The following TTN variants were observed in gnomAD, a reference collection of about 807,000 sequenced individuals.
TTN encodes titin.
TTN carries 1,525 observed loss-of-function variants against 3,223.0 expected under a neutral mutation model. The ratio of observed to expected loss-of-function variants is 0.47; its 90% CI spans 0.45 to 0.49. The LOEUF (loss-of-function observed/expected upper bound fraction) is 0.49. Among genes scored for constraint, TTN ranks in the 20% least tolerant of loss-of-function variants. The pLI, the probability that TTN is intolerant of heterozygous loss-of-function variation, is 0.00. For synonymous variants in TTN, 14,094 were observed against 15,161.0 expected, an observed-to-expected ratio of 0.93 and a Z score of 5.17; for missense variants, 40,786 against 43,424.0, an observed-to-expected ratio of 0.94 and a Z score of 5.40.
intron 294 of TTN, among the ~76,000 whole-genome samples, 163 bp downstream of exon 294, chr2:178,597,375 A>C (rs958831293): frequency 6.6e-6 from 1 of 152,140 alleles, no homozygotes; most frequent in Non-Finnish European, 1.5e-5. Context: ...AGAATAAAAA[A>C]GTAAGGAGGA....
At chr2:178,668,644 A>C (rs1016638185) in intron 159 of TTN, among the ~76,000 whole-genome samples, 2 of 151,830 alleles carry the variant, frequency 1.3e-5, no homozygotes, top group Non-Finnish European at 2.9e-5. Context: ...GGGCAGGAGA[A>C]TAGCTTGAAC....
At chr2:178,698,783 A>G in intron 112 of TTN, 60 bp downstream of exon 112, 2 of 1,471,230 alleles carry the variant, frequency 1.4e-6, no homozygotes, top group South Asian at 1.3e-5. Flanking sequence ...CACTGTTTAG[A>G]ATTTAAAAGT....
rs773001228 is a variant in TTN, at chr2:178,560,047, G to A, written c.86085C>T (p.Asp28695=). ...GYTVEYKKSD[D]TDWKTSIQSL... Reference sequence around the variant, plus strand: ...TCTGAATGGAAGTTTTCCAGTCAGTGTCATCAGATTTTTTGTATTCTACAG... The same window carrying A: ...TCTGAATGGAAGTTTTCCAGTCAGTATCATCAGATTTTTTGTATTCTACAG... Residue 28695 remains aspartate, a synonymous_variant, in exon 326 of 363, where the codon GAC becomes GAT. Coordinates refer to ENST00000589042, the MANE Select transcript of TTN (RefSeq NM_001267550.2). 3.7e-6 allele frequency: 6 copies of A among 1,613,568 alleles called. No individual in the cohort carries two copies. Among genetic ancestry groups the A allele is most frequent in the Non-Finnish European group, 5.1e-6 (6 of 1,179,794 alleles).
chr2:178,532,433 A>T lies in TTN; in HGVS notation c.104182T>A (p.Tyr34728Asn). ...KVEETRKDFR[Y>N]STYHIPTKAE... ...TTCGTTGGGATGTGATAGGTTGAATACCTGAAGTCTTTTCTTGTTTCCTCC... is the reference window on the plus strand; with the variant it reads ...TTCGTTGGGATGTGATAGGTTGAATTCCTGAAGTCTTTTCTTGTTTCCTCC... Residue 34728 changes from tyrosine (Y) to asparagine (N), a missense_variant, in exon 358 of 363, where the codon TAT becomes AAT. Tyr to Asn is a moderately radical substitution (Grantham distance 143). Transcript: ENST00000589042. 1 of 1,613,976 alleles carries T rather than the reference A, an allele frequency of 6.2e-7. No homozygotes were observed.
Position 178,707,800 on chromosome 2 carries a change from T to C in TTN, c.28767A>G (p.Pro9589=), listed in dbSNP as rs766249013. Residue 9589 remains proline (P), a synonymous_variant, in exon 100 of 363, where the codon CCA becomes CCG. Transcript: ENST00000589042. ...GAGTAAGGTGCTGATCAAATACAGG[T>C]GGCTTCTTAGGTTCTGGAATTGAAA... ...SSIVIKEPKK[P]PVFDQHLTPV... is the part of the protein sequence containing the mutation. 3 of 1,593,334 alleles carry C rather than the reference T, an allele frequency of 1.9e-6. No individual in the cohort carries two copies. The highest frequency in any genetic ancestry group is 2.3e-5 in the South Asian group (2 of 88,684).
At chr2:178,749,352 T>C (rs779606984) in intron 47 of TTN, 1 of 1,613,084 alleles carries the variant, frequency 6.2e-7, no homozygotes. Flanking sequence ...TCAGCCCTGA[T>C]GGGCTTGCTG....
Position 178,530,835 on chromosome 2 carries a change from G to A in TTN, c.105780C>T (p.His35260=), listed in dbSNP as rs373486593. Residue 35260 remains histidine (H), a synonymous_variant, in exon 358 of 363, where the codon CAC becomes CAT. Coordinates refer to ENST00000589042, the MANE Select transcript of TTN (RefSeq NM_001267550.2). The part of the protein sequence containing the change: ...PKRVKSPEPS[H]PKAVSPTETK... ...TCTCTGTGGGTGATACGGCTTTCGG[G>A]TGAGAAGGTTCTGGAGATTTCACTC... The A allele has an allele frequency of 1.2e-6, 2 of 1,613,740 alleles. No homozygotes were observed. Among genetic ancestry groups the A allele is most frequent in the African/African-American group, 2.7e-5 (2 of 74,854 alleles).
rs2078521091 is a variant in TTN at position 178,722,263 on chromosome 2, T to G, written c.22524A>C (p.Ala7508=). 6.3e-7 allele frequency: 1 copy of G among 1,575,420 alleles called. No individual in the cohort carries two copies. Among genetic ancestry groups the G allele is most frequent in the African/African-American group, 1.4e-5 (1 of 73,572 alleles). The change falls in exon 77 of 363, where the codon GCA becomes GCC. Residue 7508 remains alanine (A), a synonymous_variant. Transcript: ENST00000589042. ...GTASSSARLT[A]REPKKSPFFD... The stretch of plus-strand genomic sequence containing the variant: ...AAGAGTGACGTGTGAACAAACCTCT[T>G]GCTGTGAGTCTAGCACTAGAAGATG...
At chr2:178,708,170 C>G (rs76465131) in intron 99 of TTN, among the ~76,000 whole-genome samples, 11,282 of 152,156 alleles carry the variant, frequency 0.074, 520 homozygotes, top group Non-Finnish European at 0.11. Flanking sequence ...TTTTGCTGAA[C>G]CCTGAAAATG....
Position 178,718,723 on chromosome 2 carries a change from A to T in TTN, c.24477T>A (p.Ala8159=). 6.2e-7 allele frequency: 1 copy of T among 1,613,754 alleles called. No individual in the cohort carries two copies. Reference sequence around the variant, plus strand: ...TCACAAAAAGATGTGTGGTACAGGAAGCACTGCCAGCATCATTTGTAACGA... The same window carrying T: ...TCACAAAAAGATGTGTGGTACAGGATGCACTGCCAGCATCATTTGTAACGA... ...SCLVTNDAGS[A]SCTTHLFVKE... Residue 8159 remains alanine (A), a synonymous_variant, in exon 84 of 363, where the codon GCT becomes GCA. Coordinates refer to ENST00000589042, the MANE Select transcript of TTN (RefSeq NM_001267550.2).
In TTN at chr2:178,611,426, C is replaced by T; in HGVS notation, c.50803G>A (p.Gly16935Ser). Residue 16935 changes from glycine (G) to serine (S), a missense_variant, in exon 269 of 363, where the codon GGT (glycine) becomes AGT (serine). Transcript: ENST00000589042. ...GAGATTTCAGATGGCTCGCTGACACCAATAGCATTGACTGCTCTCACTCTC... is the reference window on the plus strand; with the variant it reads ...GAGATTTCAGATGGCTCGCTGACACTAATAGCATTGACTGCTCTCACTCTC... ...VLRVRAVNAI[G>S]VSEPSEISEN... 6.2e-7 allele frequency: 1 copy of T among 1,612,856 alleles called. No homozygotes were observed. Among genetic ancestry groups the T allele is most frequent in the Non-Finnish European group, 8.5e-7 (1 of 1,179,284 alleles).
intron 210 of TTN, 120 bp from the exon 211 acceptor site, chr2:178,650,014 A>C (rs919887484): frequency 1.5e-6 from 2 of 1,328,156 alleles, no homozygotes; most frequent in Non-Finnish European, 2.1e-6. Context: ...CTGTGGGTCC[A>C]AAGTTTTATG....
Position 178,633,180 on chromosome 2 carries a change from G to C in TTN, c.43086+7C>G, listed in dbSNP as rs1378945842. Reference sequence around the variant, plus strand: ...CTCTCCTATATAATTAGCTAATCTTGACTTACAGGGGAAGCTGTCAAAGGC... The same window carrying C: ...CTCTCCTATATAATTAGCTAATCTTCACTTACAGGGGAAGCTGTCAAAGGC... On this transcript the variant is annotated splice_region_variant and intron_variant, in intron 233 of 362. Transcript: ENST00000589042. 3 of 1,609,296 alleles carry C rather than the reference G, an allele frequency of 1.9e-6. No homozygotes were observed. Among genetic ancestry groups the C allele is most frequent in the Non-Finnish European group, 2.5e-6 (3 of 1,177,130 alleles).
intron 12 of TTN, 144 bp from the exon 13 acceptor site, chr2:178,789,641 T>G: frequency 8.8e-7 from 1 of 1,137,180 alleles, no homozygotes. Context: ...CGGCAATGTC[T>G]ACATATACTG....
intron 28 of TTN, 50 bp downstream of exon 28, chr2:178,775,306 T>A: frequency 1.2e-6 from 2 of 1,612,558 alleles, no homozygotes; most frequent in Non-Finnish European, 1.7e-6. Flanking sequence ...CACTCATGGA[T>A]ATTCTTGAAT....
rs1453904872 is a variant in TTN at position 178,590,307 on chromosome 2, G to A, written c.61418C>T (p.Pro20473Leu). ...ESVIAKDILHPPEVELDVTCR... is the reference protein window; with the variant it reads ...ESVIAKDILHLPEVELDVTCR... ...AGTAACATCAAGTTCTACTTCTGGA[G>A]GATGAAGGATATCTTTTGCAATCAC... Residue 20473 changes from proline (P) to leucine (L), a missense_variant, in exon 304 of 363, where the codon CCT becomes CTT. Pro to Leu is a moderately conservative substitution (Grantham distance 98, BLOSUM62 -3). Transcript: ENST00000589042. 3 of 1,570,446 alleles carry A rather than the reference G, an allele frequency of 1.9e-6. No homozygotes were observed. The highest frequency in any genetic ancestry group is 2.6e-6 in the Non-Finnish European group (3 of 1,158,938).
In TTN at chr2:178,581,481, C is replaced by T. The variant is rs766846339; in HGVS notation, c.66769+18G>A. 3 of 1,565,264 alleles carry T rather than the reference C, an allele frequency of 1.9e-6. No homozygotes were observed. The highest frequency in any genetic ancestry group is 1.4e-5 in the African/African-American group (1 of 73,998). ...ATTAATAGGAAAAGCCTTATGTACT[C>T]CCCCTGGTAATACTTACTTAAGATG... On this transcript the variant is annotated intron_variant, in intron 316 of 362. Coordinates refer to ENST00000589042, the MANE Select transcript of TTN (RefSeq NM_001267550.2).
chr2:178,586,617 G>A lies in TTN; in HGVS notation c.64284C>T (p.Val21428=). 2.5e-6 allele frequency: 4 copies of A among 1,613,170 alleles called. No homozygotes were observed. Among genetic ancestry groups the A allele is most frequent in the Non-Finnish European group, 3.4e-6 (4 of 1,179,414 alleles). Reference sequence around the variant, plus strand: ...ATTTCTTTCCTTCCTTTAGGCCAGTGACAACAAGGCTCAGATCTTTTACCA... The same window carrying A: ...ATTTCTTTCCTTCCTTTAGGCCAGTAACAACAAGGCTCAGATCTTTTACCA... ...YSVVKDLSLV[V]TGLKEGKKYK... is the part of the protein sequence containing the mutation. The change falls in exon 308 of 363, where the codon GTC becomes GTT. Residue 21428 remains valine, a synonymous_variant. Transcript: ENST00000589042.
Position 178,618,014 on chromosome 2 carries a change from C to G in TTN, c.47337G>C (p.Trp15779Cys). 2 of 1,612,460 alleles carry G rather than the reference C, an allele frequency of 1.2e-6. No homozygotes were observed. Among genetic ancestry groups the G allele is most frequent in the African/African-American group, 1.3e-5 (1 of 74,910 alleles). Residue 15779 changes from tryptophan to cysteine, a missense_variant, in exon 253 of 363, where the codon TGG becomes TGC. Coordinates refer to ENST00000589042, the MANE Select transcript of TTN (RefSeq NM_001267550.2). ...DVNRFGVSLT[W>C]EPPEYDGGAE... ...CACCTCCATCATACTCTGGTGGTTC[C>G]CATGTCAGTGAGACACCAAATCGAT...
Sources: allele counts gnomAD v4.1 joint callset (sites outside exome capture counted in the v4.1 genomes callset), GRCh38; gene constraint gnomAD v4.1.1; transcripts MANE v1.5; gene names NCBI Gene and HGNC (gene_info 2026-07-23, HGNC 2026-07-21).